Variants in RPRD2 observed in about 807,000 individuals in gnomAD.
RPRD2 encodes regulation of nuclear pre-mRNA domain-containing protein 2.
A neutral mutation model predicts 104.4 loss-of-function variants in RPRD2; 12 were observed. That is an observed-to-expected ratio of 0.11 (90% CI 0.07 to 0.19). The LOEUF (loss-of-function observed/expected upper bound fraction) is 0.19. Among genes scored for constraint, RPRD2 ranks in the 10% least tolerant of loss-of-function variants. The pLI is 1.00. For missense variants in RPRD2, 1,543 were observed against 1,790.1 expected (o/e 0.86, Z 2.49); for synonymous variants, 714 against 684.9 (o/e 1.04, Z -0.66).
At chr1:150,420,613 G>T (rs944249646) in intron 2 of RPRD2, among the ~76,000 whole-genome samples, 3 of 152,156 alleles carry the variant, frequency 2.0e-5, no homozygotes, top group Non-Finnish European at 4.4e-5. Flanking sequence ...ATCACTTGAG[G>T]TGAGCAGTTC....
intron 1 of RPRD2, among the ~76,000 whole-genome samples, chr1:150,393,966 G>T (rs1662290891): frequency 6.6e-6 from 1 of 152,128 alleles, no homozygotes; most frequent in East Asian, 1.9e-4. Context: ...TAAACAGTCT[G>T]GTGATTGTTG....
intron 1 of RPRD2, among the ~76,000 whole-genome samples, chr1:150,394,937 G>A (rs1349082178): frequency 6.6e-6 from 1 of 152,076 alleles, no homozygotes; most frequent in Admixed American, 6.6e-5. Context: ...CAAAACAAAG[G>A]TTTTATCAGA....
At position 150,473,427 on chromosome 1, in the gene RPRD2, C is replaced by G; in HGVS notation, c.*93C>G. On this transcript the variant is annotated 3_prime_UTR_variant, in exon 11 of 11. Transcript: ENST00000369068. ...TGTTGTTTTTATTTGTTTTCTCTTT[C>G]TCGATTTTTTTTTTATTATAACAAA... The G allele has an allele frequency of 7.6e-7, 1 of 1,321,590 alleles. No individual in the cohort carries two copies. The highest frequency in any genetic ancestry group is 1.7e-5 in the South Asian group (1 of 58,900). The allele number at this position is 1,321,590 out of a possible 1,614,324, so 81.9% of individuals were successfully genotyped here.
chr1:150,426,419 C>T (rs1665127379), intron 2 of RPRD2, among the ~76,000 whole-genome samples: 1 of 152,058 alleles, frequency 6.6e-6, no homozygotes, highest in African/African-American at 2.4e-5. Context: ...TCAGTTTTCC[C>T]ATCTGTAAAA....
chr1:150,400,670 C>A (rs188266963), intron 1 of RPRD2, among the ~76,000 whole-genome samples: 4 of 152,276 alleles, frequency 2.6e-5, no homozygotes, highest in Admixed American at 1.3e-4. Flanking sequence ...TTGGGAAACC[C>A]TGTGTAGAGG....
Position 150,382,982 on chromosome 1 carries a change from C to T in RPRD2, c.205+18063C>T, listed in dbSNP as rs113892482. Among the ~76,000 whole-genome samples the T allele has an allele frequency of 6.4e-3, 965 of 151,890 alleles. 7 individuals carry two copies. The highest frequency in any genetic ancestry group is 0.014 in the Middle Eastern group (4 of 290). On this transcript the variant is annotated intron_variant, in intron 1 of 10. Transcript: ENST00000369068. ...AATTACAGGAGTGAGCCACTGTGCCCGGCTGGGATTTTTTATTTTTATTTT... is the reference window on the plus strand; with the variant it reads ...AATTACAGGAGTGAGCCACTGTGCCTGGCTGGGATTTTTTATTTTTATTTT...
At position 150,387,567 on chromosome 1, in the gene RPRD2, C is replaced by CTTTTTTTTTTTTTTTTTTTTTTTTTTTTT. The variant is rs562476167; in HGVS notation, c.205+22661_205+22689dup. On this transcript the variant is annotated intron_variant, in intron 1 of 10. Coordinates refer to ENST00000369068, the MANE Select transcript of RPRD2 (RefSeq NM_015203.5). ...AAATCTTACAGAAGTTGCAACAGAC[C>CTTTTTTTTTTTTTTTTTTTTTTTTTTTTT]TTTTTTTTTTTTTTTTTTTTTTTTT... Among the ~76,000 whole-genome samples the CTTTTTTTTTTTTTTTTTTTTTTTTTTTTT allele has an allele frequency of 6.8e-5, 5 of 73,742 alleles. 1 individual carries two copies. Among genetic ancestry groups the CTTTTTTTTTTTTTTTTTTTTTTTTTTTTT allele is most frequent in the East Asian group, 1.0e-3 (2 of 1,956 alleles). 48.4% of individuals were successfully genotyped at this position (73,742 alleles called of 152,430 possible). A position where few individuals can be genotyped will look rare whatever the true frequency, so the allele number is the denominator to read the frequency against.
intron 1 of RPRD2, among the ~76,000 whole-genome samples, chr1:150,406,159 C>T (rs1663456775): frequency 6.6e-6 from 1 of 152,038 alleles, no homozygotes; most frequent in African/African-American, 2.4e-5. Flanking sequence ...GTTATGGCCA[C>T]GGTGCTTGAT....
intron 1 of RPRD2, among the ~76,000 whole-genome samples, chr1:150,391,487 G>A (rs1553883113): frequency 6.6e-6 from 1 of 152,110 alleles, no homozygotes; most frequent in African/African-American, 2.4e-5. Flanking sequence ...ATACTTCAGG[G>A]AAAGGAAAAT....
chr1:150,395,709 C>G (rs1553884074), intron 1 of RPRD2, among the ~76,000 whole-genome samples: 1 of 152,196 alleles, frequency 6.6e-6, no homozygotes, highest in African/African-American at 2.4e-5. Context: ...CGGGGTTTCA[C>G]CATGTTGGCC....
At chr1:150,451,292 G>T (rs1432512778) in intron 7 of RPRD2, among the ~76,000 whole-genome samples, 1 of 152,108 alleles carries the variant, frequency 6.6e-6, no homozygotes, top group Non-Finnish European at 1.5e-5. Flanking sequence ...CTCACTACCT[G>T]TAATGTTCCC....
At chr1:150,419,535 GA>G (rs1453397575) in intron 2 of RPRD2, among the ~76,000 whole-genome samples, 1 of 152,090 alleles carries the variant, frequency 6.6e-6, no homozygotes, top group Non-Finnish European at 1.5e-5. Context: ...CCATTTGTTG[GA>G]TATTTATAAT....
At chr1:150,455,905 G>A (rs782805424) in intron 7 of RPRD2, among the ~76,000 whole-genome samples, 11 of 152,086 alleles carry the variant, frequency 7.2e-5, no homozygotes, top group Non-Finnish European at 1.5e-4. Context: ...CCCTGACCTG[G>A]GCTCAAGCAG....
In RPRD2 at chr1:150,468,216, G is replaced by A. The variant is rs116943329; in HGVS notation, c.1613-2345G>A. Among the ~76,000 whole-genome samples, 113 of 152,134 alleles carry A rather than the reference G, an allele frequency of 7.4e-4. 2 individuals are homozygous for A. In the East Asian group the frequency reaches 0.02, roughly 27 times the overall value. ...TTAAAGAGCAAACTTTTGGCTGGGC[G>A]CAGTGGCTCATGCCTGTAATCCTAA... On this transcript the variant is annotated intron_variant, in intron 10 of 10. Coordinates refer to ENST00000369068, the MANE Select transcript of RPRD2 (RefSeq NM_015203.5).
Position 150,472,525 on chromosome 1 carries a change from C to T in RPRD2, c.3577C>T (p.His1193Tyr). ...SNSFNSTFEH[H>Y]LPPSPLEHGT... ...CAGTTTCAACTCAACATTTGAGCAT[C>T]ATCTTCCCCCATCCCCCTTGGAACA... Residue 1193 changes from histidine to tyrosine, a missense_variant, in exon 11 of 11, where the codon CAT becomes TAT. Physicochemically the swap from His to Tyr is moderately conservative, Grantham distance 83 (BLOSUM62 2). Coordinates refer to ENST00000369068, the MANE Select transcript of RPRD2 (RefSeq NM_015203.5). 6.2e-7 allele frequency: 1 copy of T among 1,613,968 alleles called. No individual in the cohort carries two copies. The highest frequency in any genetic ancestry group is 8.5e-7 in the Non-Finnish European group (1 of 1,179,880).
chr1:150,367,352 G>A (rs1659917114), intron 1 of RPRD2, among the ~76,000 whole-genome samples: 1 of 151,750 alleles, frequency 6.6e-6, no homozygotes, highest in African/African-American at 2.4e-5. Context: ...GTTATACTTA[G>A]TTTACTCTGA....
chr1:150,394,114 G>T (rs967668293), intron 1 of RPRD2, among the ~76,000 whole-genome samples: 1 of 151,976 alleles, frequency 6.6e-6, no homozygotes, highest in Non-Finnish European at 1.5e-5. Context: ...GCAATGGCGC[G>T]ATCTCGGCTC....
In RPRD2 at chr1:150,471,674, C is replaced by G. The variant is rs890475423; in HGVS notation, c.2726C>G (p.Ser909Cys). 2 of 1,613,786 alleles carry G rather than the reference C, an allele frequency of 1.2e-6. No homozygotes were observed. Among genetic ancestry groups the G allele is most frequent in the African/African-American group, 2.7e-5 (2 of 74,904 alleles). ...SSENCDRLSS[S>C]PGLFGAFSVR... ...GAGAACTGTGACCGTCTCTCATCTT[C>G]CCCTGGGCTATTTGGTGCCTTCAGC... is the stretch of plus-strand genomic sequence containing the variant. The change falls in exon 11 of 11, where the codon TCC (serine) becomes TGC (cysteine). Residue 909 changes from serine (S) to cysteine (C), a missense_variant. Ser to Cys is a moderately radical substitution (Grantham distance 112, BLOSUM62 -1). This residue lies in a region of RPRD2 where 880 missense variants were observed against 885.6 expected (regional missense o/e 0.99). Coordinates refer to ENST00000369068, the MANE Select transcript of RPRD2 (RefSeq NM_015203.5). The surrounding 1 kb of genome is among the most constrained non-coding windows in gnomAD (Gnocchi z 5.3).
At chr1:150,421,527 A>C (rs1553889623) in intron 2 of RPRD2, among the ~76,000 whole-genome samples, 1 of 152,118 alleles carries the variant, frequency 6.6e-6, no homozygotes, top group African/African-American at 2.4e-5. Context: ...ATTTTTTTTA[A>C]GAAAAGTAAG....
Sources: allele counts gnomAD v4.1 joint callset (sites outside exome capture counted in the v4.1 genomes callset), GRCh38; gene constraint gnomAD v4.1.1; regional missense constraint gnomAD v4.1.1; non-coding constraint Gnocchi (gnomAD v3.1); transcripts MANE v1.5; gene names NCBI Gene and HGNC (gene_info 2026-07-23, HGNC 2026-07-21).